Variants in BCL7A observed in about 807,000 individuals in gnomAD.
BCL7A encodes the protein BAF chromatin remodeling complex subunit BCL7A.
BCL7A carries 11 observed loss-of-function variants against 28.4 expected under a neutral mutation model. The ratio of observed to expected loss-of-function variants is 0.39; its 90% CI spans 0.24 to 0.64. The LOEUF is 0.64. BCL7A is among the 30% of genes least tolerant of loss of function. The pLI, the probability that BCL7A is intolerant of heterozygous loss-of-function variation, is 0.50. For synonymous variants in BCL7A, 123 were observed against 103.3 expected, an observed-to-expected ratio of 1.19 and a Z score of -1.15; for missense variants, 222 against 274.8, an observed-to-expected ratio of 0.81 and a Z score of 1.36.
In BCL7A at chr12:122,058,927, A is replaced by G. The variant is rs148208535; in HGVS notation, c.562-165A>G. 8.8e-4 allele frequency among the ~76,000 whole-genome samples: 134 copies of G among 152,316 alleles called. 1 individual carries two copies. The highest frequency in any genetic ancestry group is 3.1e-3 in the African/African-American group (127 of 41,576). On this transcript the variant is annotated intron_variant, in intron 5 of 5. Coordinates refer to ENST00000261822, the MANE Select transcript of BCL7A (RefSeq NM_001024808.3). ...GGTGTGAGGGTCTCCATAGGTCCTC[A>G]AACTCTCTGGAGTCCACGCTTGGGC...
chr12:122,039,505 T>A lies in BCL7A; in HGVS notation c.271+4078T>A, dbSNP rs12367978. ...CATCTCTTAAATATATATATATATA[T>A]AATATATATATTATATATATTATAT... On this transcript the variant is annotated intron_variant, in intron 3 of 5. Transcript: ENST00000261822. 2.2e-4 allele frequency among the ~76,000 whole-genome samples: 24 copies of A among 107,402 alleles called. No homozygotes were observed. The East Asian group carries it at 3.1e-3, about 14-fold the overall frequency. 70.5% of individuals were successfully genotyped at this position (107,402 alleles called of 152,430 possible). A position where few individuals can be genotyped will look rare whatever the true frequency, so the allele number is the denominator to read the frequency against.
At chr12:122,042,738 C>G (rs1260990615) in intron 3 of BCL7A, among the ~76,000 whole-genome samples, 3 of 152,056 alleles carry the variant, frequency 2.0e-5, no homozygotes, top group Non-Finnish European at 2.9e-5. Flanking sequence ...AATTTCCCTG[C>G]CTCATGACAT....
chr12:122,026,751 A>G (rs2135839095), intron 1 of BCL7A, among the ~76,000 whole-genome samples: 1 of 152,344 alleles, frequency 6.6e-6, no homozygotes, highest in Admixed American at 6.5e-5. Flanking sequence ...GTACAAGGAC[A>G]GGGAGTAGAG....
chr12:122,046,749 C>G (rs934476775), intron 4 of BCL7A, among the ~76,000 whole-genome samples: 1 of 152,198 alleles, frequency 6.6e-6, no homozygotes, highest in Non-Finnish European at 1.5e-5. Context: ...AATACCGGGC[C>G]TGCTCTTCCC....
At chr12:122,036,268 G>A (rs756579149) in intron 3 of BCL7A, among the ~76,000 whole-genome samples, 1 of 152,076 alleles carries the variant, frequency 6.6e-6, no homozygotes, top group Admixed American at 6.6e-5. Context: ...CAGGAAACAC[G>A]CACCTGTAGT....
intron 1 of BCL7A, among the ~76,000 whole-genome samples, chr12:122,024,688 C>T (rs1023629888): frequency 1.3e-5 from 2 of 152,092 alleles, no homozygotes; most frequent in African/African-American, 4.8e-5. Flanking sequence ...AAATACAGCA[C>T]ACCCAGTTAA....
At chr12:122,050,301 G>GGT (rs1555223918) in intron 4 of BCL7A, among the ~76,000 whole-genome samples, 3 of 123,444 alleles carry the variant, frequency 2.4e-5, no homozygotes, top group African/African-American at 8.0e-5. Context: ...TTTATTGTGG[G>GGT]GGGGGGGCCA....
rs548268115 is a variant in BCL7A at position 122,061,714 on chromosome 12, G to A, written c.*2551G>A. Reference sequence around the variant, plus strand: ...GGGCAAACCTAATTCCCCCCAAAACGTGAAGTCGGGGAAGCTGCGGCTACA... The same window carrying A: ...GGGCAAACCTAATTCCCCCCAAAACATGAAGTCGGGGAAGCTGCGGCTACA... On this transcript the variant is annotated 3_prime_UTR_variant, in exon 6 of 6. Coordinates refer to ENST00000261822, the MANE Select transcript of BCL7A (RefSeq NM_001024808.3). 11 of 230,750 alleles carry A rather than the reference G, an allele frequency of 4.8e-5. No individual in the cohort carries two copies. The highest frequency in any genetic ancestry group is 8.8e-5 in the African/African-American group (4 of 45,262). 14.3% of individuals were successfully genotyped at this position (230,750 alleles called of 1,614,324 possible).
At chr12:122,022,845 AGCCAGCG>A (rs1883499752) in intron 1 of BCL7A, among the ~76,000 whole-genome samples, 1 of 150,808 alleles carries the variant, frequency 6.6e-6, no homozygotes, top group Non-Finnish European at 1.5e-5. Flanking sequence ...GAGCGCTGGG[AGCCAGCG>A]GCCAGGGGCG....
At chr12:122,024,213 T>C (rs192767288) in intron 1 of BCL7A, among the ~76,000 whole-genome samples, 3 of 152,348 alleles carry the variant, frequency 2.0e-5, no homozygotes, top group South Asian at 4.1e-4. Flanking sequence ...TCTGAAGACC[T>C]CAGGCTTTGG....
intron 4 of BCL7A, among the ~76,000 whole-genome samples, chr12:122,053,558 A>C (rs990842325): frequency 2.6e-5 from 4 of 152,076 alleles, no homozygotes; most frequent in Non-Finnish European, 5.9e-5. Flanking sequence ...TGTGCTTTTT[A>C]ACATCAGGGT....
chr12:122,061,742 T>C lies in BCL7A; in HGVS notation c.*2579T>C. 4.4e-6 allele frequency: 1 copy of C among 229,648 alleles called. No individual in the cohort carries two copies. The highest frequency in any genetic ancestry group is 8.7e-6 in the Non-Finnish European group (1 of 115,604). The allele number at this position is 229,648 out of a possible 1,614,324, so 14.2% of individuals were successfully genotyped here. On this transcript the variant is annotated 3_prime_UTR_variant, in exon 6 of 6. Transcript: ENST00000261822. ...AAGTCGGGGAAGCTGCGGCTACACATTCCACAAAGTGCTGGCACTTACACC... is the reference window on the plus strand; with the variant it reads ...AAGTCGGGGAAGCTGCGGCTACACACTCCACAAAGTGCTGGCACTTACACC...
chr12:122,048,799 C>T (rs1431455218), intron 4 of BCL7A, among the ~76,000 whole-genome samples: 1 of 151,926 alleles, frequency 6.6e-6, no homozygotes, highest in Non-Finnish European at 1.5e-5. Flanking sequence ...GTGGGCAGAT[C>T]ACCTGAGGTC....
chr12:122,031,227 C>T (rs1038051796), intron 2 of BCL7A, among the ~76,000 whole-genome samples: 5 of 152,148 alleles, frequency 3.3e-5, no homozygotes, highest in African/African-American at 1.2e-4. Context: ...CGCAGTTTCA[C>T]CGTGTTGGCC....
At chr12:122,031,659 G>A (rs552226993) in intron 2 of BCL7A, among the ~76,000 whole-genome samples, 4 of 152,218 alleles carry the variant, frequency 2.6e-5, no homozygotes, top group Non-Finnish European at 4.4e-5. Context: ...TTCTCTCTGC[G>A]CTTGGAGAGG....
intron 4 of BCL7A, among the ~76,000 whole-genome samples, chr12:122,048,039 G>A (rs1225368778): frequency 2.0e-5 from 3 of 151,722 alleles, no homozygotes; most frequent in Non-Finnish European, 4.4e-5. Flanking sequence ...GAGTAGCTGG[G>A]ATTACAGGCA....
chr12:122,024,086 C>T (rs1049987796), intron 1 of BCL7A, among the ~76,000 whole-genome samples: 2 of 152,102 alleles, frequency 1.3e-5, no homozygotes, highest in Admixed American at 6.5e-5. Flanking sequence ...GGCCCCGGGG[C>T]GGCCGGCCTG....
At chr12:122,033,165 G>T in intron 2 of BCL7A, among the ~76,000 whole-genome samples, 1 of 150,256 alleles carries the variant, frequency 6.7e-6, no homozygotes. Flanking sequence ...TAAGAGACAG[G>T]GTCTCTGTTG....
At chr12:122,052,152 G>C (rs751669306) in intron 4 of BCL7A, among the ~76,000 whole-genome samples, 6 of 151,790 alleles carry the variant, frequency 4.0e-5, no homozygotes, top group Admixed American at 1.3e-4. Context: ...TGGGATTACA[G>C]GTGTGAGCCA....
Sources: gnomAD v4.1 joint callset for allele counts (sites outside exome capture counted in the v4.1 genomes callset) on GRCh38, gnomAD v4.1.1 for gene constraint, MANE v1.5 for transcripts, NCBI Gene and HGNC (gene_info 2026-07-23, HGNC 2026-07-21) for gene names.